The following CPNE2 variants were observed in gnomAD, a reference collection of about 807,000 sequenced individuals.
CPNE2 encodes the protein copine-2.
A neutral mutation model predicts 69.7 loss-of-function variants in CPNE2; 42 were observed. That is an observed-to-expected ratio of 0.60 (90% CI 0.47 to 0.78). The LOEUF is 0.78. Among genes scored for constraint, CPNE2 ranks in the 30% least tolerant of loss-of-function variants. The probability of loss-of-function intolerance (pLI) is 0.00; values close to 1 mark genes in which losing one functional copy is unlikely to be tolerated. For synonymous variants in CPNE2, 294 were observed against 289.8 expected, an observed-to-expected ratio of 1.01 and a Z score of -0.15; for missense variants, 587 against 732.0, an observed-to-expected ratio of 0.80 and a Z score of 2.29.
In CPNE2 at chr16:57,130,210, C is replaced by A. The variant is rs1156337662; in HGVS notation, c.1116+2307C>A. On this transcript the variant is annotated intron_variant, in intron 12 of 15. Transcript: ENST00000290776. The surrounding 1 kb of genome is among the most constrained non-coding windows in gnomAD (Gnocchi z 4.1). ...CCTGGCCAACATGGTGAAACCCCGTCTCTACTAAAAATACAAAAATTAGCT... is the reference window on the plus strand; with the variant it reads ...CCTGGCCAACATGGTGAAACCCCGTATCTACTAAAAATACAAAAATTAGCT... Among the ~76,000 whole-genome samples, 1 of 151,966 alleles carries A rather than the reference C, an allele frequency of 6.6e-6. No individual in the cohort carries two copies. The highest frequency in any genetic ancestry group is 1.5e-5 in the Non-Finnish European group (1 of 67,996).
Position 57,123,415 on chromosome 16 carries a change from T to A in CPNE2, c.869T>A (p.Ile290Lys). 1 of 1,612,928 alleles carries A rather than the reference T, an allele frequency of 6.2e-7. No homozygotes were observed. The highest frequency in any genetic ancestry group is 1.7e-5 in the Admixed American group (1 of 60,030). Reference protein sequence around the residue: ...SGIIILRSCKINRDYSFLDYI... With the variant: ...SGIIILRSCKKNRDYSFLDYI... ...ACTGACTCATCCGCTTTCTTCCAGA[T>A]AAACCGAGACTACTCCTTCCTTGAC... The change falls in exon 10 of 16, where the codon ATA becomes AAA. Residue 290 changes from isoleucine (I) to lysine (K), a missense_variant and splice_region_variant. Transcript: ENST00000290776.
intron 11 of CPNE2, among the ~76,000 whole-genome samples, 166 bp from the exon 12 acceptor site, chr16:57,127,683 G>T (rs1349332880): frequency 5.3e-5 from 8 of 151,810 alleles, no homozygotes; most frequent in Non-Finnish European, 8.8e-5. Flanking sequence ...CCCAGAGGTG[G>T]GTTGGGCTCA....
At chr16:57,097,431 G>T (rs953245609) in intron 1 of CPNE2, among the ~76,000 whole-genome samples, 1 of 152,204 alleles carries the variant, frequency 6.6e-6, no homozygotes, top group Non-Finnish European at 1.5e-5. Flanking sequence ...CTCCTGGAAG[G>T]TGGAGACCCA....
chr16:57,146,125 G>A lies in CPNE2; in HGVS notation c.1343G>A (p.Ser448Asn). Residue 448 changes from serine to asparagine, a missense_variant, in exon 15 of 16, where the codon AGT becomes AAT. By Grantham distance (46) the Ser-to-Asn change is conservative (BLOSUM62 1). Coordinates refer to ENST00000290776, the MANE Select transcript of CPNE2 (RefSeq NM_152727.6). This position sits in a 1 kb window ranked among gnomAD's most constrained non-coding sequence, Gnocchi z 4.4. ...CTCATCATCACGGACGGGGTCATCA[G>A]TGACATGGAGGAGACACGGCATGCC... The part of the protein sequence containing the change: ...ILLIITDGVI[S>N]DMEETRHAVV... 1.9e-6 allele frequency: 3 copies of A among 1,600,806 alleles called. No individual in the cohort carries two copies. Among genetic ancestry groups the A allele is most frequent in the Non-Finnish European group, 2.6e-6 (3 of 1,173,238 alleles).
At chr16:57,113,978 T>A (rs2069699481) in intron 3 of CPNE2, among the ~76,000 whole-genome samples, 1 of 152,208 alleles carries the variant, frequency 6.6e-6, no homozygotes, top group African/African-American at 2.4e-5. Context: ...CCTCTGGGCC[T>A]CAGTTTCCCC....
intron 8 of CPNE2, 79 bp from the exon 9 acceptor site, chr16:57,121,595 A>G: frequency 7.2e-7 from 1 of 1,384,910 alleles, no homozygotes; most frequent in Non-Finnish European, 1.0e-6. Context: ...AGCCTGTGGA[A>G]GGGATTCTAG....
intron 1 of CPNE2, among the ~76,000 whole-genome samples, chr16:57,102,605 CTTT>C (rs111301014): frequency 2.1e-5 from 3 of 144,000 alleles, no homozygotes; most frequent in African/African-American, 2.5e-5. Context: ...ATTTATTTCT[CTTT>C]TTTTTTTTTT....
chr16:57,107,841 CTG>C (rs1309062122), intron 1 of CPNE2, among the ~76,000 whole-genome samples: 3 of 151,742 alleles, frequency 2.0e-5, no homozygotes, highest in Admixed American at 2.0e-4. Flanking sequence ...ACTGTGAGCC[CTG>C]CACGGGCTAA....
chr16:57,124,975 T>A (rs2069790101), intron 10 of CPNE2: 2 of 296,140 alleles, frequency 6.8e-6, no homozygotes. Flanking sequence ...CCTCAAGGAC[T>A]AAGACATGCT....
intron 14 of CPNE2, among the ~76,000 whole-genome samples, chr16:57,145,383 C>T (rs77687287): frequency 0.033 from 5,017 of 152,300 alleles, 118 homozygotes; most frequent in Non-Finnish European, 0.051. Flanking sequence ...AGTCCTCTTC[C>T]GGGGTGACTT....
intron 10 of CPNE2, chr16:57,124,448 T>A (rs1199643968): frequency 2.2e-6 from 1 of 449,128 alleles, no homozygotes; most frequent in Admixed American, 2.4e-5. Flanking sequence ...CGCTTCTCCC[T>A]GATCGTCGCA....
At chr16:57,105,038 G>A (rs1175384001) in intron 1 of CPNE2, among the ~76,000 whole-genome samples, 2 of 152,172 alleles carry the variant, frequency 1.3e-5, no homozygotes, top group African/African-American at 4.8e-5. Context: ...CTTTCAGGTA[G>A]AGCCATGGTG....
At chr16:57,128,751 C>T (rs1355175466) in intron 12 of CPNE2, among the ~76,000 whole-genome samples, 2 of 152,214 alleles carry the variant, frequency 1.3e-5, no homozygotes, top group Non-Finnish European at 2.9e-5. Flanking sequence ...TCCGTCACCC[C>T]TCCATCCTCT....
intron 6 of CPNE2, 116 bp from the exon 7 acceptor site, chr16:57,119,445 C>A: frequency 8.8e-7 from 1 of 1,133,752 alleles, no homozygotes; most frequent in African/African-American, 1.5e-5. Flanking sequence ...TCACTTCTGT[C>A]TCTGGAAGTG....
intron 1 of CPNE2, among the ~76,000 whole-genome samples, chr16:57,093,564 A>AG (rs753451621): frequency 3.5e-4 from 53 of 152,200 alleles, no homozygotes; most frequent in Non-Finnish European, 5.9e-4. Flanking sequence ...CCTATGGGGA[A>AG]GGGGCTGCTT....
At position 57,125,899 on chromosome 16, in the gene CPNE2, G is replaced by A. The variant is rs748574324; in HGVS notation, c.967G>A (p.Asp323Asn). 6.1e-5 allele frequency: 99 copies of A among 1,614,000 alleles called. No individual in the cohort carries two copies. Among genetic ancestry groups the A allele is most frequent in the Non-Finnish European group, 7.9e-5 (93 of 1,180,028 alleles). Residue 323 changes from aspartate to asparagine, a missense_variant, in exon 11 of 16, where the codon GAC becomes AAC. Coordinates refer to ENST00000290776, the MANE Select transcript of CPNE2 (RefSeq NM_152727.6). Reference protein sequence around the residue: ...DFTASNGNPLDPSSLHYINPM... With the variant: ...DFTASNGNPLNPSSLHYINPM... ...TACAGCCTCCAACGGGAATCCCCTCGACCCTTCCTCTTTGCACTATATCAA... is the reference window on the plus strand; with the variant it reads ...TACAGCCTCCAACGGGAATCCCCTCAACCCTTCCTCTTTGCACTATATCAA...
intron 5 of CPNE2, among the ~76,000 whole-genome samples, chr16:57,118,524 A>C (rs62037310): frequency 0.045 from 6,862 of 151,930 alleles, 216 homozygotes; most frequent in Middle Eastern, 0.11. Context: ...TAACCTCTTT[A>C]AAGTAACAGT....
At chr16:57,143,299 C>T (rs2069935597) in intron 14 of CPNE2, 2 of 152,346 alleles carry the variant, frequency 1.3e-5, no homozygotes, top group South Asian at 4.1e-4. Flanking sequence ...AGGCCAAGCC[C>T]CTGTGTGTGG....
At chr16:57,103,315 A>G (rs957499482) in intron 1 of CPNE2, among the ~76,000 whole-genome samples, 9 of 150,658 alleles carry the variant, frequency 6.0e-5, no homozygotes, top group Non-Finnish European at 1.0e-4. Flanking sequence ...TAGAGACAGG[A>G]TCTCACTGTG....
Sources: allele counts gnomAD v4.1 joint callset (sites outside exome capture counted in the v4.1 genomes callset), GRCh38; gene constraint gnomAD v4.1.1; non-coding constraint Gnocchi (gnomAD v3.1); transcripts MANE v1.5; gene names NCBI Gene and HGNC (gene_info 2026-07-23, HGNC 2026-07-21).